The following CCDC18 variants were observed in gnomAD, a reference collection of about 807,000 sequenced individuals.
CCDC18 encodes the protein coiled-coil domain-containing protein 18.
A neutral mutation model predicts 196.0 loss-of-function variants in CCDC18; 157 were observed. That is an observed-to-expected ratio of 0.80 (90% confidence interval 0.70 to 0.91). The LOEUF is 0.91. Among genes scored for constraint, CCDC18 ranks in the 40% least tolerant of loss-of-function variants. The probability of loss-of-function intolerance (pLI) is 0.00; values close to 1 mark genes in which losing one functional copy is unlikely to be tolerated. For missense variants in CCDC18, 1,465 were observed against 1,611.6 expected (o/e 0.91, Z 1.56); for synonymous variants, 482 against 529.2 (o/e 0.91, Z 1.22).
At position 93,239,734 on chromosome 1, in the gene CCDC18, C is replaced by T. The variant is rs190190295; in HGVS notation, c.2819C>T (p.Ala940Val). ...QHSTETELTE[A>V]LQKREVLETE... ...AGTACTGAAACTGAACTAACAGAAG[C>T]CTTGCAAAAACGGGAAGTACTTGAG... The change falls in exon 21 of 29, where the codon GCC (alanine) becomes GTC (valine). Residue 940 changes from alanine (A) to valine (V), a missense_variant. Ala to Val is a moderately conservative substitution (Grantham distance 64). Transcript: ENST00000690025. 33 of 1,613,664 alleles carry T rather than the reference C, an allele frequency of 2.0e-5. No individual in the cohort carries two copies. Among genetic ancestry groups the T allele is most frequent in the Middle Eastern group, 1.7e-4 (1 of 6,052 alleles).
At chr1:93,232,400 G>T in intron 17 of CCDC18, 26 bp from the exon 18 acceptor site, 1 of 1,367,432 alleles carries the variant, frequency 7.3e-7, no homozygotes, top group Non-Finnish European at 1.0e-6. Context: ...GCATTGTATT[G>T]AGAGATATAT....
chr1:93,276,872 A>T (rs1034356091), intron 28 of CCDC18, among the ~76,000 whole-genome samples: 6 of 150,444 alleles, frequency 4.0e-5, no homozygotes, highest in Non-Finnish European at 8.8e-5. Flanking sequence ...GAGACAAAGT[A>T]TAGAGAAAGA....
upstream of CCDC18, chr1:93,180,306 C>G (rs1321172482): frequency 6.7e-7 from 1 of 1,493,672 alleles, no homozygotes; most frequent in Non-Finnish European, 9.0e-7. Context: ...TCCGCGTTTC[C>G]TCTCTGGACT....
upstream of CCDC18, chr1:93,180,687 A>T (rs768243043): frequency 1.5e-6 from 2 of 1,345,348 alleles, no homozygotes; most frequent in Middle Eastern, 2.1e-4. Flanking sequence ...GGGGCGGGGC[A>T]GTGACCGGGT....
intron 6 of CCDC18, among the ~76,000 whole-genome samples, chr1:93,201,045 A>T (rs914983056): frequency 6.6e-6 from 1 of 152,218 alleles, no homozygotes; most frequent in African/African-American, 2.4e-5. Context: ...TTAACCACAT[A>T]GACTCAGAAA....
intron 22 of CCDC18, 93 bp downstream of exon 22, chr1:93,246,297 AT>A: frequency 2.8e-6 from 2 of 703,934 alleles, no homozygotes; most frequent in Non-Finnish European, 4.8e-6. Flanking sequence ...TAAAATGGGC[AT>A]TTTTATAGCA....
chr1:93,180,417 G>T, upstream of CCDC18: 1 of 1,258,278 alleles, frequency 7.9e-7, no homozygotes, highest in Non-Finnish European at 1.1e-6. Flanking sequence ...GTTCTCCAAA[G>T]GGTAGGGACT....
rs752455691 is a variant in CCDC18, at chr1:93,258,776, A to C, written c.3575A>C (p.Glu1192Ala). The part of the protein sequence containing the change: ...KDAHGNHLAE[E>A]LGASKVREAH... ...GCTCATGGAAACCATTTAGCTGAAG[A>C]ACTGGGGGCTTCTAAAGTACGTGAA... The change falls in exon 26 of 29, where the codon GAA becomes GCA. Residue 1192 changes from glutamate (E) to alanine (A), a missense_variant. Physicochemically the swap from Glu to Ala is moderately radical, Grantham distance 107. Coordinates refer to ENST00000690025, the MANE Select transcript of CCDC18 (RefSeq NM_001378204.1). 6.3e-7 allele frequency: 1 copy of C among 1,577,010 alleles called. No individual in the cohort carries two copies. Among genetic ancestry groups the C allele is most frequent in the Non-Finnish European group, 8.6e-7 (1 of 1,163,186 alleles).
rs1665128826 is a variant in CCDC18, at chr1:93,270,403, C to T, written c.3942C>T (p.Asp1314=). ...AKISGHEKAE[D]IKFLPAPFTS... is the part of the protein sequence containing the mutation. ...TTTCTGGACATGAAAAGGCAGAAGA[C>T]ATCAAGTTTCTGCCAGCCCCATTTA... Residue 1314 remains aspartate, a synonymous_variant, in exon 28 of 29, where the codon GAC becomes GAT. Coordinates refer to ENST00000690025, the MANE Select transcript of CCDC18 (RefSeq NM_001378204.1). 1 of 1,550,290 alleles carries T rather than the reference C, an allele frequency of 6.5e-7. No homozygotes were observed. Among genetic ancestry groups the T allele is most frequent in the Non-Finnish European group, 8.7e-7 (1 of 1,146,802 alleles).
chr1:93,209,594 T>G (rs1355426698), intron 9 of CCDC18, among the ~76,000 whole-genome samples: 1 of 152,242 alleles, frequency 6.6e-6, no homozygotes, highest in African/African-American at 2.4e-5. Context: ...CTTGCCCAAC[T>G]GGTAAGTAGT....
In CCDC18 at chr1:93,226,981, G is replaced by T. The variant is rs186289407; in HGVS notation, c.2292+532G>T. Among the ~76,000 whole-genome samples, 18 of 152,024 alleles carry T rather than the reference G, an allele frequency of 1.2e-4. No individual in the cohort carries two copies. In the East Asian group the frequency reaches 3.1e-3, roughly 26 times the overall value. On this transcript the variant is annotated intron_variant, in intron 17 of 28. Coordinates refer to ENST00000690025, the MANE Select transcript of CCDC18 (RefSeq NM_001378204.1). ...TTCTTTTATTTTTAGGGAATCAGAA[G>T]AATAAATTATTAATATTACAGTCAT...
At chr1:93,205,835 G>A (rs535590022) in intron 8 of CCDC18, among the ~76,000 whole-genome samples, 48 of 152,100 alleles carry the variant, frequency 3.2e-4, no homozygotes, top group African/African-American at 9.6e-4. Flanking sequence ...TTGTAAATAC[G>A]GAGACATACT....
In CCDC18 at chr1:93,264,917, AAAGT is replaced by A. The variant is rs1221358790; in HGVS notation, c.3885+19_3885+22del. On this transcript the variant is annotated intron_variant, in intron 27 of 28. Transcript: ENST00000690025. ...ACTTACTAAAGTAAGTAAACATATA[AAAGT>A]AATAAAGCATATCTATGAAAACATA... 6.7e-7 allele frequency: 1 copy of A among 1,498,896 alleles called. No homozygotes were observed. The highest frequency in any genetic ancestry group is 9.3e-7 in the Non-Finnish European group (1 of 1,076,178). The allele number at this position is 1,498,896 out of a possible 1,614,324, so 92.8% of individuals were successfully genotyped here. A position where few individuals can be genotyped will look rare whatever the true frequency, so the allele number is the denominator to read the frequency against.
Position 93,270,751 on chromosome 1 carries a change from C to A in CCDC18, c.4290C>A (p.Tyr1430Ter), listed in dbSNP as rs1665176241. 1.3e-6 allele frequency: 2 copies of A among 1,548,332 alleles called. No individual in the cohort carries two copies. Residue 1430 changes from tyrosine (Y) to a stop codon, truncating the protein, a stop_gained, in exon 28 of 29, where the codon TAC becomes TAA. Transcript: ENST00000690025. LOFTEE classifies it high-confidence loss of function. ...DFNTLSGMLR[Y>*]INKEVRLLKK... ...ACACGCTTAGTGGGATGCTAAGATA[C>A]ATAAACAAAGAAGTAAGACTATTAA...
intron 23 of CCDC18, among the ~76,000 whole-genome samples, chr1:93,250,838 G>A (rs1285240845): frequency 6.6e-6 from 1 of 151,896 alleles, no homozygotes; most frequent in East Asian, 1.9e-4. Context: ...TTTACTTTCA[G>A]TCTATGTGTG....
intron 17 of CCDC18, 123 bp from the exon 18 acceptor site, chr1:93,232,303 T>G (rs1407099909): frequency 3.3e-6 from 2 of 601,962 alleles, no homozygotes; most frequent in Non-Finnish European, 5.9e-6. Context: ...ACTATAGACA[T>G]GAATGCAATT....
Position 93,212,205 on chromosome 1 carries a change from G to T in CCDC18, c.1439G>T (p.Ser480Ile), listed in dbSNP as rs764545615. 2 of 1,610,376 alleles carry T rather than the reference G, an allele frequency of 1.2e-6. No individual in the cohort carries two copies. Among genetic ancestry groups the T allele is most frequent in the African/African-American group, 2.7e-5 (2 of 74,820 alleles). Residue 480 changes from serine (S) to isoleucine (I), a missense_variant, in exon 11 of 29, where the codon AGT becomes ATT. Physicochemically the swap from Ser to Ile is moderately radical, Grantham distance 142. Coordinates refer to ENST00000690025, the MANE Select transcript of CCDC18 (RefSeq NM_001378204.1). ...ATTACTTGTAATGACAGCCAAGAAA[G>T]TAGCAAATTAAGTAGTTTAGAAACA... ...SLITCNDSQE[S>I]SKLSSLETEP...
At chr1:93,188,817 TTC>T (rs951195064) in intron 4 of CCDC18, among the ~76,000 whole-genome samples, 11 of 152,316 alleles carry the variant, frequency 7.2e-5, no homozygotes, top group African/African-American at 2.6e-4. Context: ...CTGGAAATTT[TTC>T]TGTTTCTTAA....
rs768646310 is a variant in CCDC18 at position 93,274,717 on chromosome 1, C to T, written c.4354-3746C>T. Reference sequence around the variant, plus strand: ...ATGAAAAACTAGCTGGGCATGGTGGCGCACATCTGTAGTCCTAGCTACTTG... The same window carrying T: ...ATGAAAAACTAGCTGGGCATGGTGGTGCACATCTGTAGTCCTAGCTACTTG... On this transcript the variant is annotated intron_variant, in intron 28 of 28. Transcript: ENST00000690025. Among the ~76,000 whole-genome samples, 20 of 152,006 alleles carry T rather than the reference C, an allele frequency of 1.3e-4. No individual in the cohort carries two copies. The East Asian group carries it at 1.7e-3, about 13-fold the overall frequency.
Sources: allele counts gnomAD v4.1 joint callset (sites outside exome capture counted in the v4.1 genomes callset), GRCh38; gene constraint gnomAD v4.1.1; transcripts MANE v1.5; gene names NCBI Gene and HGNC (gene_info 2026-07-23, HGNC 2026-07-21).